The following TAFA1 variants were observed in gnomAD, a reference collection of about 807,000 sequenced individuals.
TAFA1 encodes TAFA chemokine like family member 1, also known as chemokine-like protein TAFA-1.
A neutral mutation model predicts 18.5 loss-of-function variants in TAFA1; 4 were observed. The ratio of observed to expected loss-of-function variants is 0.22; its 90% confidence interval spans 0.11 to 0.49. The LOEUF is 0.49. Ranked by LOEUF, TAFA1 falls within the 20% of genes least tolerant of loss-of-function variation. TAFA1 has a pLI of 0.98. For synonymous variants in TAFA1, 56 were observed against 55.2 expected (o/e 1.01, Z -0.06); for missense variants, 147 against 169.0 (o/e 0.87, Z 0.72).
intron 2 of TAFA1, among the ~76,000 whole-genome samples, chr3:68,331,578 G>A (rs1388466927): frequency 3.3e-5 from 5 of 152,186 alleles, no homozygotes; most frequent in African/African-American, 1.2e-4. Context: ...AAGATTTGAA[G>A]CCAAAATCAG....
At chr3:68,508,142 C>T (rs1165853035) in intron 3 of TAFA1, among the ~76,000 whole-genome samples, 1 of 152,012 alleles carries the variant, frequency 6.6e-6, no homozygotes, top group Admixed American at 6.6e-5. Flanking sequence ...CATGGCCTTT[C>T]CTTGGCGTAT....
At chr3:68,538,927 T>C (rs1301535602) in intron 4 of TAFA1, 47 bp downstream of exon 4, 1 of 1,601,152 alleles carries the variant, frequency 6.2e-7, no homozygotes, top group East Asian at 2.2e-5. Flanking sequence ...CAGACTGTAC[T>C]ATTTGAGTTT....
intron 2 of TAFA1, among the ~76,000 whole-genome samples, chr3:68,314,257 T>C (rs1301946332): frequency 6.6e-6 from 1 of 152,206 alleles, no homozygotes; most frequent in Non-Finnish European, 1.5e-5. Context: ...GTGTACTTTT[T>C]CAAAAATTAA....
chr3:68,275,502 C>CT (rs199541727), intron 2 of TAFA1, among the ~76,000 whole-genome samples: 6,094 of 141,072 alleles, frequency 0.043, 285 homozygotes, highest in African/African-American at 0.12. Flanking sequence ...GATTAGGGGA[C>CT]TTTTTTTTTT....
intron 2 of TAFA1, among the ~76,000 whole-genome samples, chr3:68,028,693 G>A (rs1704868191): frequency 6.6e-6 from 1 of 151,620 alleles, no homozygotes; most frequent in South Asian, 2.1e-4. Context: ...CCATTGTCAT[G>A]TTACCTGTTC....
intron 2 of TAFA1, among the ~76,000 whole-genome samples, chr3:68,264,878 A>C (rs1307768187): frequency 1.3e-5 from 2 of 152,142 alleles, no homozygotes; most frequent in Admixed American, 1.3e-4. Flanking sequence ...GTTGCATCTG[A>C]GAAGACAGAG....
intron 2 of TAFA1, among the ~76,000 whole-genome samples, chr3:68,035,542 C>A (rs559072594): frequency 6.6e-5 from 10 of 152,048 alleles, no homozygotes; most frequent in Non-Finnish European, 1.5e-4. Context: ...TAAAAAAATT[C>A]CTGACAATGC....
At chr3:68,273,781 C>T (rs2067727017) in intron 2 of TAFA1, among the ~76,000 whole-genome samples, 1 of 152,146 alleles carries the variant, frequency 6.6e-6, no homozygotes, top group Admixed American at 6.5e-5. Context: ...GTATAATGCA[C>T]AGGAAGAAAT....
chr3:68,020,141 C>T (rs750113747), intron 2 of TAFA1, among the ~76,000 whole-genome samples: 1 of 151,928 alleles, frequency 6.6e-6, no homozygotes, highest in Non-Finnish European at 1.5e-5. Flanking sequence ...ATAGGCTGTT[C>T]TTTTATGCAA....
chr3:68,003,681 C>T (rs1413867908), upstream of TAFA1, among the ~76,000 whole-genome samples: 4 of 152,056 alleles, frequency 2.6e-5, no homozygotes, highest in Non-Finnish European at 5.9e-5. Context: ...TCCCTCCCCA[C>T]CCCAGCATGT....
intron 3 of TAFA1, among the ~76,000 whole-genome samples, chr3:68,452,601 A>G (rs889787508): frequency 6.6e-6 from 1 of 151,978 alleles, no homozygotes; most frequent in Non-Finnish European, 1.5e-5. Context: ...AGCCATGGAA[A>G]ATGCCCTATA....
chr3:68,021,185 C>CA (rs10610707), intron 2 of TAFA1, among the ~76,000 whole-genome samples: 1,787 of 56,062 alleles, frequency 0.032, 442 homozygotes, highest in African/African-American at 0.091. Flanking sequence ...GACCCTGTCT[C>CA]AAAAAAAAAA....
intron 3 of TAFA1, among the ~76,000 whole-genome samples, chr3:68,432,427 G>T (rs2071194552): frequency 6.6e-6 from 1 of 151,978 alleles, no homozygotes; most frequent in Non-Finnish European, 1.5e-5. Flanking sequence ...AATGCACTCA[G>T]AAAATATATT....
At chr3:68,237,241 C>T (rs1377955720) in intron 2 of TAFA1, among the ~76,000 whole-genome samples, 1 of 152,146 alleles carries the variant, frequency 6.6e-6, no homozygotes, top group Non-Finnish European at 1.5e-5. Context: ...AATGTGATCT[C>T]AGTGGTGGAA....
intron 2 of TAFA1, among the ~76,000 whole-genome samples, chr3:68,254,159 GTCTATCTATCTA>G (rs1178300782): frequency 8.4e-6 from 1 of 119,736 alleles, no homozygotes; most frequent in Non-Finnish European, 1.8e-5. Context: ...CTATCTATCT[GTCTATCTATCTA>G]TCTATCTATC....
At chr3:68,200,367 T>C (rs1284015548) in intron 2 of TAFA1, among the ~76,000 whole-genome samples, 1 of 151,624 alleles carries the variant, frequency 6.6e-6, no homozygotes, top group East Asian at 1.9e-4. Context: ...AAGAAGTATT[T>C]CTTCAGCTTT....
intron 2 of TAFA1, among the ~76,000 whole-genome samples, chr3:68,230,302 G>A (rs951045205): frequency 9.5e-5 from 14 of 147,576 alleles, no homozygotes; most frequent in South Asian, 2.1e-4. Context: ...TCTGATAACC[G>A]TCATTCTATT....
At chr3:68,491,553 G>A (rs1017825622) in intron 3 of TAFA1, among the ~76,000 whole-genome samples, 1 of 108,240 alleles carries the variant, frequency 9.2e-6, no homozygotes, top group Non-Finnish European at 1.8e-5. Context: ...GGTGGGGGGA[G>A]GGGGGAGGGA....
At chr3:68,271,836 T>TCA (rs965274782) in intron 2 of TAFA1, among the ~76,000 whole-genome samples, 2,696 of 129,272 alleles carry the variant, frequency 0.021, 55 homozygotes, top group African/African-American at 0.061. Flanking sequence ...TCTCTCTCTC[T>TCA]CACACACACA....
Sources: allele counts gnomAD v4.1 joint callset (sites outside exome capture counted in the v4.1 genomes callset), GRCh38; gene constraint gnomAD v4.1.1; transcripts MANE v1.5; gene names NCBI Gene and HGNC (gene_info 2026-07-23, HGNC 2026-07-21).